Variants in PDGFC observed in about 807,000 individuals in gnomAD.
PDGFC encodes the protein platelet derived growth factor C, also known as platelet-derived growth factor C.
Under a neutral mutation model 35.5 loss-of-function variants are expected in PDGFC, and 12 were observed. That is an observed-to-expected ratio of 0.34 (90% CI 0.22 to 0.55). The LOEUF (loss-of-function observed/expected upper bound fraction) is 0.55. Ranked by LOEUF, PDGFC falls within the 20% of genes least tolerant of loss-of-function variation. The probability of loss-of-function intolerance (pLI) is 0.91; values close to 1 mark genes in which losing one functional copy is unlikely to be tolerated. For synonymous variants in PDGFC, 159 were observed against 148.8 expected, an observed-to-expected ratio of 1.07 and a Z score of -0.50; for missense variants, 322 against 412.4, an observed-to-expected ratio of 0.78 and a Z score of 1.90.
chr4:156,773,122 G>C (rs1730733063), intron 3 of PDGFC, among the ~76,000 whole-genome samples: 1 of 152,158 alleles, frequency 6.6e-6, no homozygotes, highest in Non-Finnish European at 1.5e-5. Context: ...CCAACCGTGA[G>C]GGATATGGAT....
At chr4:156,944,693 C>T (rs1731896464) in intron 1 of PDGFC, among the ~76,000 whole-genome samples, 1 of 152,126 alleles carries the variant, frequency 6.6e-6, no homozygotes, top group Non-Finnish European at 1.5e-5. Flanking sequence ...TTCCAGTCCG[C>T]CAGCAAATAC....
chr4:156,794,618 A>C (rs926471269), intron 3 of PDGFC, among the ~76,000 whole-genome samples: 2 of 152,064 alleles, frequency 1.3e-5, no homozygotes, highest in African/African-American at 4.8e-5. Context: ...GCTTTTTATT[A>C]ATAAGATAAA....
chr4:156,885,099 C>A (rs955974935), intron 1 of PDGFC, among the ~76,000 whole-genome samples: 5 of 151,750 alleles, frequency 3.3e-5, no homozygotes, highest in Admixed American at 1.3e-4. Flanking sequence ...AATGTCGTAA[C>A]CTAGGCAGAA....
chr4:156,812,886 C>G (rs1731977186), intron 2 of PDGFC, among the ~76,000 whole-genome samples: 1 of 152,068 alleles, frequency 6.6e-6, no homozygotes, highest in Admixed American at 6.6e-5. Context: ...TGCACACCTA[C>G]TTTTTAACAT....
At chr4:156,800,147 T>A (rs1417721880) in intron 3 of PDGFC, among the ~76,000 whole-genome samples, 1 of 152,162 alleles carries the variant, frequency 6.6e-6, no homozygotes, top group Non-Finnish European at 1.5e-5. Flanking sequence ...ATGGTAGTAA[T>A]ATTTCAATAT....
chr4:156,900,643 C>A (rs1381142891), intron 1 of PDGFC, among the ~76,000 whole-genome samples: 1 of 152,018 alleles, frequency 6.6e-6, no homozygotes, highest in Admixed American at 6.6e-5. Context: ...GAGTTCAAAA[C>A]CAGCAAGGGC....
intron 1 of PDGFC, among the ~76,000 whole-genome samples, chr4:156,864,587 A>AC (rs1331417562): frequency 6.6e-6 from 1 of 152,072 alleles, no homozygotes; most frequent in African/African-American, 2.4e-5. Flanking sequence ...CAAGATGAAA[A>AC]CTTTTTTTAG....
chr4:156,917,845 T>C (rs1297738323), intron 1 of PDGFC, among the ~76,000 whole-genome samples: 1 of 152,238 alleles, frequency 6.6e-6, no homozygotes, highest in Admixed American at 6.5e-5. Flanking sequence ...AATAATCTTT[T>C]ATTTTCATTA....
At chr4:156,929,427 C>A (rs1260773468) in intron 1 of PDGFC, among the ~76,000 whole-genome samples, 3 of 150,904 alleles carry the variant, frequency 2.0e-5, no homozygotes, top group African/African-American at 7.3e-5. Context: ...CTTATAATGA[C>A]CATTTTCATA....
intron 3 of PDGFC, among the ~76,000 whole-genome samples, chr4:156,802,414 A>C (rs1302849417): frequency 2.0e-5 from 3 of 152,120 alleles, no homozygotes; most frequent in Admixed American, 2.0e-4. Flanking sequence ...CAATAAAAGA[A>C]TGACTAAAAA....
At chr4:156,774,795 T>A (rs1269754418) in intron 3 of PDGFC, among the ~76,000 whole-genome samples, 2 of 152,004 alleles carry the variant, frequency 1.3e-5, no homozygotes, top group Non-Finnish European at 2.9e-5. Flanking sequence ...ACTTTCCAAG[T>A]CTCCACTCAG....
chr4:156,889,610 T>A (rs1018504341), intron 1 of PDGFC, among the ~76,000 whole-genome samples: 1 of 152,226 alleles, frequency 6.6e-6, no homozygotes, highest in Non-Finnish European at 1.5e-5. Context: ...TGAACCTTTT[T>A]GTCATGGGTA....
At chr4:156,898,639 A>AT (rs11463568) in intron 1 of PDGFC, among the ~76,000 whole-genome samples, 87,498 of 150,508 alleles carry the variant, frequency 0.58, 25,489 homozygotes, top group Admixed American at 0.64. Flanking sequence ...AGAAGCTTCC[A>AT]TTTTTTTTTC....
At chr4:156,831,706 T>C (rs1728937824) in intron 2 of PDGFC, among the ~76,000 whole-genome samples, 1 of 151,786 alleles carries the variant, frequency 6.6e-6, no homozygotes, top group Admixed American at 6.6e-5. Flanking sequence ...CCTCCCAAAG[T>C]GCTAGGATTA....
intron 1 of PDGFC, among the ~76,000 whole-genome samples, chr4:156,903,883 T>G (rs1318524312): frequency 1.3e-5 from 2 of 152,120 alleles, no homozygotes; most frequent in Non-Finnish European, 2.9e-5. Flanking sequence ...GAAGCAAGAC[T>G]CTAGACCCAA....
chr4:156,921,748 C>T (rs989244995), intron 1 of PDGFC, among the ~76,000 whole-genome samples: 8 of 152,030 alleles, frequency 5.3e-5, no homozygotes, highest in East Asian at 3.9e-4. Context: ...ATTGTATAAA[C>T]GAAGAAAAGT....
intron 1 of PDGFC, among the ~76,000 whole-genome samples, chr4:156,869,884 A>ATTT (rs935805325): frequency 3.3e-5 from 5 of 152,156 alleles, no homozygotes; most frequent in Admixed American, 6.5e-5. Context: ...AAATATTTTA[A>ATTT]TTTTAATACA....
chr4:156,835,698 C>T (rs189653114), intron 2 of PDGFC, among the ~76,000 whole-genome samples: 14 of 152,196 alleles, frequency 9.2e-5, no homozygotes, highest in Admixed American at 9.2e-4. Flanking sequence ...GTAATTTAAC[C>T]AGGGCCATAT....
chr4:156,850,174 C>A, intron 2 of PDGFC, 47 bp downstream of exon 2: 1 of 1,000,578 alleles, frequency 1.0e-6, no homozygotes, highest in Admixed American at 2.7e-5. Flanking sequence ...ATTTGAAAGA[C>A]TTTTAACAGT....
Sources: gnomAD v4.1 joint callset for allele counts (sites outside exome capture counted in the v4.1 genomes callset) on GRCh38, gnomAD v4.1.1 for gene constraint, MANE v1.5 for transcripts, NCBI Gene and HGNC (gene_info 2026-07-23, HGNC 2026-07-21) for gene names.